Variants in ZNF280C observed in about 807,000 individuals in gnomAD.
ZNF280C encodes suppressor of hairy wing homolog 3.
A neutral mutation model predicts 53.6 loss-of-function variants in ZNF280C; 14 were observed. That is an observed-to-expected ratio of 0.26 (90% confidence interval 0.17 to 0.41). ZNF280C has a LOEUF of 0.41. Ranked by LOEUF, ZNF280C falls within the 10% of genes least tolerant of loss-of-function variation. ZNF280C has a pLI of 1.00. For synonymous variants in ZNF280C, 203 were observed against 181.1 expected, an observed-to-expected ratio of 1.12 and a Z score of -0.97; for missense variants, 416 against 547.1, an observed-to-expected ratio of 0.76 and a Z score of 2.39.
At chrX:130,212,927 G>C (rs1371694282) in intron 15 of ZNF280C, among the ~76,000 whole-genome samples, 2 of 111,035 alleles carry the variant, frequency 1.8e-5, no homozygotes, top group Non-Finnish European at 3.8e-5. Flanking sequence ...AATGTCTGAA[G>C]GAAAAAAAAC....
Position 130,207,659 on chromosome X carries a change from G to A in ZNF280C, c.2042+1994C>T, listed in dbSNP as rs2031990602. The stretch of plus-strand genomic sequence containing the variant: ...TTACAGGCATGAGTCACCGTGCCCG[G>A]CCAACTTTGATCTTAATATAATACT... On this transcript the variant is annotated intron_variant, in intron 16 of 18. Transcript: ENST00000370978. 2.7e-5 allele frequency among the ~76,000 whole-genome samples: 3 copies of A among 111,583 alleles called. No homozygotes were observed. In the South Asian group the frequency reaches 1.1e-3, roughly 42 times the overall value.
At chrX:130,234,921 T>C (rs2032315606) in intron 8 of ZNF280C, among the ~76,000 whole-genome samples, 1 of 111,705 alleles carries the variant, frequency 9.0e-6, no homozygotes, top group Non-Finnish European at 1.9e-5. Context: ...AAACTATCAT[T>C]TCATATGAAA....
intron 12 of ZNF280C, 144 bp from the exon 13 acceptor site, chrX:130,220,624 T>C: frequency 1.9e-6 from 1 of 519,865 alleles, no homozygotes; most frequent in East Asian, 4.0e-5. Context: ...TGATCTATTA[T>C]TTAAAAGTAC....
chrX:130,213,388 G>A (rs773251681), intron 15 of ZNF280C, among the ~76,000 whole-genome samples: 14 of 110,294 alleles, frequency 1.3e-4, no homozygotes, highest in African/African-American at 3.3e-4. Flanking sequence ...AAAACAAAAC[G>A]AAACAAAAAC....
At chrX:130,232,916 A>G (rs1207217972) in intron 8 of ZNF280C, among the ~76,000 whole-genome samples, 3 of 111,889 alleles carry the variant, frequency 2.7e-5, no homozygotes, top group African/African-American at 9.7e-5. Flanking sequence ...GGTTATTCAT[A>G]ATAGCCAAGA....
At chrX:130,260,490 T>C (rs2032620181) in intron 1 of ZNF280C, 25 bp from the exon 2 acceptor site, 7 of 1,133,140 alleles carry the variant, frequency 6.2e-6, no homozygotes, top group Non-Finnish European at 6.0e-6. Context: ...ATGACATCAA[T>C]CAATGTTATG....
chrX:130,245,016 G>A (rs2032436075), intron 3 of ZNF280C, among the ~76,000 whole-genome samples: 2 of 111,335 alleles, frequency 1.8e-5, no homozygotes, highest in Admixed American at 1.9e-4. Flanking sequence ...TTACTTGTTG[G>A]TGGTTATAGT....
chrX:130,265,430 C>A (rs933492591), intron 1 of ZNF280C, among the ~76,000 whole-genome samples: 1 of 112,247 alleles, frequency 8.9e-6, no homozygotes, highest in Non-Finnish European at 1.9e-5. Context: ...GACTAATGTA[C>A]AATTACTGGC....
Position 130,203,687 on chromosome X carries a change from A to C in ZNF280C, c.*1290T>G, listed in dbSNP as rs926408589. 8.9e-6 allele frequency: 1 copy of C among 112,041 alleles called. No individual in the cohort carries two copies. The highest frequency in any genetic ancestry group is 3.2e-5 in the African/African-American group (1 of 30,838). The allele number at this position is 112,041 out of a possible 1,213,427, so 9.2% of individuals were successfully genotyped here. A position where few individuals can be genotyped will look rare whatever the true frequency, so the allele number is the denominator to read the frequency against. On this transcript the variant is annotated 3_prime_UTR_variant, in exon 19 of 19. Coordinates refer to ENST00000370978, the MANE Select transcript of ZNF280C (RefSeq NM_017666.5). ...TAAAAAAAGAAAAAAAATAAAGTGA[A>C]TATCAGTATTGCTGAAAATTCCTAG...
At chrX:130,255,780 C>T (rs1369462647) in intron 2 of ZNF280C, among the ~76,000 whole-genome samples, 6 of 111,095 alleles carry the variant, frequency 5.4e-5, no homozygotes, top group African/African-American at 1.3e-4. Context: ...CATGGTGAGA[C>T]GCTGTCCCTA....
At chrX:130,227,185 A>T (rs759059390) in intron 11 of ZNF280C, among the ~76,000 whole-genome samples, 1 of 111,334 alleles carries the variant, frequency 9.0e-6, no homozygotes, top group African/African-American at 3.3e-5. Context: ...CCTCTGCCAA[A>T]TATTGTTCTA....
At chrX:130,265,310 A>AT (rs2032676469) in intron 1 of ZNF280C, among the ~76,000 whole-genome samples, 1 of 111,843 alleles carries the variant, frequency 8.9e-6, no homozygotes, top group African/African-American at 3.2e-5. Context: ...ATGGGGCACT[A>AT]TAATAAAATA....
intron 8 of ZNF280C, among the ~76,000 whole-genome samples, chrX:130,235,817 C>T (rs1462914986): frequency 9.0e-6 from 1 of 111,591 alleles, no homozygotes; most frequent in African/African-American, 3.3e-5. Flanking sequence ...TGCATAATAA[C>T]CAACCTCTCT....
At chrX:130,259,415 G>T (rs2032606941) in intron 2 of ZNF280C, among the ~76,000 whole-genome samples, 1 of 111,991 alleles carries the variant, frequency 8.9e-6, no homozygotes, top group South Asian at 3.7e-4. Flanking sequence ...TGATATTATG[G>T]GAACAAATAA....
intron 2 of ZNF280C, among the ~76,000 whole-genome samples, chrX:130,255,652 G>C (rs1467285548): frequency 8.9e-6 from 1 of 111,970 alleles, no homozygotes; most frequent in African/African-American, 3.2e-5. Flanking sequence ...TGAAATTTCA[G>C]AATATCAGAA....
chrX:130,210,595 A>G (rs1359172739), intron 15 of ZNF280C, among the ~76,000 whole-genome samples: 1 of 112,372 alleles, frequency 8.9e-6, no homozygotes, highest in Non-Finnish European at 1.9e-5. Flanking sequence ...CCATTGCTTA[A>G]TTCAATAAAC....
intron 15 of ZNF280C, among the ~76,000 whole-genome samples, chrX:130,210,100 C>T (rs1490739407): frequency 8.9e-6 from 1 of 111,786 alleles, no homozygotes; most frequent in Non-Finnish European, 1.9e-5. Context: ...ACCGAATCTG[C>T]CGGCACCTTG....
At chrX:130,264,954 A>G (rs893390564) in intron 1 of ZNF280C, among the ~76,000 whole-genome samples, 1 of 112,015 alleles carries the variant, frequency 8.9e-6, no homozygotes, top group Non-Finnish European at 1.9e-5. Context: ...AGACAATTTG[A>G]CTGGCATCTC....
At chrX:130,244,935 C>T (rs1292693863) in intron 3 of ZNF280C, among the ~76,000 whole-genome samples, 1 of 110,949 alleles carries the variant, frequency 9.0e-6, no homozygotes, top group African/African-American at 3.3e-5. Flanking sequence ...GAAAAATATC[C>T]TCAAACAACT....
Sources: gnomAD v4.1 joint callset for allele counts (sites outside exome capture counted in the v4.1 genomes callset) on GRCh38, gnomAD v4.1.1 for gene constraint, MANE v1.5 for transcripts, NCBI Gene and HGNC (gene_info 2026-07-23, HGNC 2026-07-21) for gene names.